CMIP: variants seen among roughly 807,000 people sequenced by gnomAD.
CMIP encodes the protein c-Maf inducing protein, also known as C-Maf-inducing protein.
A neutral mutation model predicts 97.3 loss-of-function variants in CMIP; 13 were observed. That is an observed-to-expected ratio of 0.13 (90% confidence interval 0.09 to 0.21). The LOEUF is 0.21. Among genes scored for constraint, CMIP ranks in the 10% least tolerant of loss-of-function variants. CMIP has a pLI of 1.00. For synonymous variants in CMIP, 538 were observed against 436.3 expected (o/e 1.23, Z -2.91); for missense variants, 847 against 1,024.9 (o/e 0.83, Z 2.37).
chr16:81,620,651 G>T lies in CMIP; in HGVS notation c.427-225G>T, dbSNP rs915205071. 1.9e-5 allele frequency: 10 copies of T among 536,536 alleles called. No individual in the cohort carries two copies. The African/African-American group carries it at 1.9e-4, about 10-fold the overall frequency. 33.2% of individuals were successfully genotyped at this position (536,536 alleles called of 1,614,324 possible). A position where few individuals can be genotyped will look rare whatever the true frequency, so the allele number is the denominator to read the frequency against. ...TCATATACAGCAAAGGAAGCACACG[G>T]TGCTAGTGATGTCTTGTTTTTAGGA... On this transcript the variant is annotated intron_variant, in intron 2 of 20. Coordinates refer to ENST00000537098, the MANE Select transcript of CMIP (RefSeq NM_198390.3).
At chr16:81,587,588 A>G (rs1187724376) in intron 1 of CMIP, among the ~76,000 whole-genome samples, 1 of 152,148 alleles carries the variant, frequency 6.6e-6, no homozygotes, top group Non-Finnish European at 1.5e-5. Flanking sequence ...GAAAAAACCA[A>G]AGGTGCTAGA....
chr16:81,639,451 G>A (rs2092277665), intron 3 of CMIP, among the ~76,000 whole-genome samples: 1 of 152,108 alleles, frequency 6.6e-6, no homozygotes, highest in Non-Finnish European at 1.5e-5. Context: ...TCTGCTTTCG[G>A]TCTCTAAGAA....
At chr16:81,455,825 C>A (rs1417462361) in intron 1 of CMIP, among the ~76,000 whole-genome samples, 3 of 152,182 alleles carry the variant, frequency 2.0e-5, no homozygotes, top group African/African-American at 7.2e-5. Flanking sequence ...CTTTCTTGAA[C>A]CTTCCCTTCA....
intron 10 of CMIP, among the ~76,000 whole-genome samples, chr16:81,689,244 C>T (rs1468266341): frequency 3.3e-5 from 5 of 152,246 alleles, no homozygotes; most frequent in Non-Finnish European, 7.3e-5. Flanking sequence ...CTGTCTTCCA[C>T]AATGGTTGAA....
intron 1 of CMIP, among the ~76,000 whole-genome samples, chr16:81,542,057 AC>A (rs533021684): frequency 5.3e-4 from 80 of 152,054 alleles, no homozygotes; most frequent in Admixed American, 2.3e-3. Flanking sequence ...GTCGTGCCCC[AC>A]CCTGGGTCGA....
intron 3 of CMIP, among the ~76,000 whole-genome samples, chr16:81,643,785 A>G (rs867616271): frequency 1.1e-4 from 17 of 149,522 alleles, no homozygotes; most frequent in South Asian, 8.8e-4. Flanking sequence ...CTCTGTCTCA[A>G]TAAGTAAGTA....
chr16:81,599,010 G>C (rs1272828389), intron 1 of CMIP, among the ~76,000 whole-genome samples: 2 of 149,532 alleles, frequency 1.3e-5, no homozygotes, highest in East Asian at 4.0e-4. Flanking sequence ...CCTTTTGAGG[G>C]CCTGGCATGG....
chr16:81,623,698 G>A (rs1422052863), intron 3 of CMIP, among the ~76,000 whole-genome samples: 1 of 152,184 alleles, frequency 6.6e-6, no homozygotes, highest in Non-Finnish European at 1.5e-5. Flanking sequence ...AAGGTGTTTT[G>A]GAGGTACCGC....
intron 1 of CMIP, among the ~76,000 whole-genome samples, chr16:81,589,679 G>C (rs1228088281): frequency 6.6e-6 from 1 of 152,152 alleles, no homozygotes; most frequent in East Asian, 1.9e-4. Flanking sequence ...CATAACCATC[G>C]ATTCAGCGCA....
intron 12 of CMIP, 53 bp downstream of exon 12, chr16:81,693,237 C>T (rs1177129549): frequency 6.4e-7 from 1 of 1,557,922 alleles, no homozygotes; most frequent in Non-Finnish European, 8.8e-7. Context: ...GGCCTCTGTC[C>T]TGAGGTCTTC....
chr16:81,551,102 A>G lies in CMIP; in HGVS notation c.301-56465A>G, dbSNP rs191397466. 8.2e-3 allele frequency among the ~76,000 whole-genome samples: 1,094 copies of G among 132,688 alleles called. 20 individuals are homozygous for G. The highest frequency in any genetic ancestry group is 0.03 in the African/African-American group (1,019 of 34,194). 87.0% of individuals were successfully genotyped at this position (132,688 alleles called of 152,430 possible). On this transcript the variant is annotated intron_variant, in intron 1 of 20. Transcript: ENST00000537098. ...GTCCCGTCACACGCACCCCAGTTCC[A>G]TCACATATATCCCAGTTCCATCACA...
intron 1 of CMIP, among the ~76,000 whole-genome samples, chr16:81,472,474 C>A (rs1020038983): frequency 9.2e-5 from 14 of 152,276 alleles, no homozygotes; most frequent in African/African-American, 3.4e-4. Context: ...CCCCAGGGGT[C>A]CCCTGGGTCT....
chr16:81,451,251 C>A (rs1006167132), intron 1 of CMIP, among the ~76,000 whole-genome samples: 1 of 152,164 alleles, frequency 6.6e-6, no homozygotes, highest in Non-Finnish European at 1.5e-5. Context: ...GTGAATAAGT[C>A]TCACGAGATC....
chr16:81,460,510 C>T (rs1906838706), intron 1 of CMIP, among the ~76,000 whole-genome samples: 1 of 152,182 alleles, frequency 6.6e-6, no homozygotes, highest in African/African-American at 2.4e-5. Flanking sequence ...AGTGAAAGTC[C>T]TGTGGCCCAG....
At position 81,672,078 on chromosome 16, in the gene CMIP, G is replaced by C; in HGVS notation, c.1034+8G>C. On this transcript the variant is annotated splice_region_variant and intron_variant, in intron 9 of 20. Coordinates refer to ENST00000537098, the MANE Select transcript of CMIP (RefSeq NM_198390.3). Reference sequence around the variant, plus strand: ...TGAAGAGTTCATCAACAGGTCAGTTGCTGAACCACCGCCACCCAGAGGGCT... The same window carrying C: ...TGAAGAGTTCATCAACAGGTCAGTTCCTGAACCACCGCCACCCAGAGGGCT... The C allele has an allele frequency of 6.5e-7, 1 of 1,536,206 alleles. No homozygotes were observed. Among genetic ancestry groups the C allele is most frequent in the East Asian group, 2.3e-5 (1 of 42,744 alleles).
chr16:81,593,215 C>G (rs1321207654), intron 1 of CMIP, among the ~76,000 whole-genome samples: 1 of 152,214 alleles, frequency 6.6e-6, no homozygotes, highest in Non-Finnish European at 1.5e-5. Context: ...CCCAGCCCAG[C>G]TGCAGGCTGT....
In CMIP at chr16:81,616,566, T is replaced by C. The variant is rs2091921500; in HGVS notation, c.427-4310T>C. Among the ~76,000 whole-genome samples the C allele has an allele frequency of 6.6e-6, 1 of 152,226 alleles. No individual in the cohort carries two copies. The highest frequency in any genetic ancestry group is 2.1e-4 in the South Asian group (1 of 4,828). ...TTCGCCAGCCTGTGTCATACCTGTT[T>C]AGCTGGGATCTGCAAACTAAACCTG... On this transcript the variant is annotated intron_variant, in intron 2 of 20. Transcript: ENST00000537098. The surrounding 1 kb of genome is among the most constrained non-coding windows in gnomAD (Gnocchi z 4.7).
intron 3 of CMIP, among the ~76,000 whole-genome samples, chr16:81,648,769 C>A (rs550527847): frequency 2.6e-5 from 3 of 115,274 alleles, no homozygotes; most frequent in East Asian, 2.6e-4. Context: ...AGTGACAGAG[C>A]AAGACTCTGT....
In CMIP at chr16:81,627,543, C is replaced by T. The variant is rs1190635654; in HGVS notation, c.477+6617C>T. ...ACAGGTGGTCCCGGCTGACTCATGG[C>T]CTGGGAGGGCTAGGGTGGGTGGGAA... On this transcript the variant is annotated intron_variant, in intron 3 of 20. Coordinates refer to ENST00000537098, the MANE Select transcript of CMIP (RefSeq NM_198390.3). This position sits in a 1 kb window ranked among gnomAD's most constrained non-coding sequence, Gnocchi z 4.6. Among the ~76,000 whole-genome samples the T allele has an allele frequency of 2.7e-5, 4 of 150,168 alleles. No individual in the cohort carries two copies. Among genetic ancestry groups the T allele is most frequent in the South Asian group, 4.4e-4 (2 of 4,588 alleles).
Sources: allele counts gnomAD v4.1 joint callset (sites outside exome capture counted in the v4.1 genomes callset), GRCh38; gene constraint gnomAD v4.1.1; non-coding constraint Gnocchi (gnomAD v3.1); transcripts MANE v1.5; gene names NCBI Gene and HGNC (gene_info 2026-07-23, HGNC 2026-07-21).